The following PIBF1 variants were observed in gnomAD, a reference collection of about 807,000 sequenced individuals.
PIBF1 encodes progesterone-induced-blocking factor 1.
PIBF1 carries 90 observed loss-of-function variants against 112.5 expected under a neutral mutation model. The observed-to-expected ratio is 0.80, with a 90% CI of 0.67 to 0.95. The LOEUF is 0.95. PIBF1 is among the 40% of genes least tolerant of loss of function. The pLI is 0.00. For missense variants in PIBF1, 915 were observed against 852.3 expected (o/e 1.07, Z -0.92); for synonymous variants, 301 against 288.6 (o/e 1.04, Z -0.44).
At chr13:72,831,974 G>T (rs562050166) in intron 8 of PIBF1, among the ~76,000 whole-genome samples, 9 of 151,104 alleles carry the variant, frequency 6.0e-5, no homozygotes, top group Admixed American at 2.0e-4. Flanking sequence ...TCTTCCTGCC[G>T]CATTGATCCC....
intron 12 of PIBF1, among the ~76,000 whole-genome samples, chr13:72,909,079 C>T (rs186117279): frequency 7.2e-5 from 11 of 151,934 alleles, no homozygotes; most frequent in African/African-American, 2.7e-4. Context: ...AAAACTACTT[C>T]GGTATATTTT....
intron 16 of PIBF1, among the ~76,000 whole-genome samples, chr13:72,978,089 C>T (rs764367745): frequency 3.9e-5 from 6 of 152,112 alleles, no homozygotes; most frequent in Non-Finnish European, 7.4e-5. Context: ...CTAAATTCTC[C>T]AGGTTTTGTC....
intron 10 of PIBF1, among the ~76,000 whole-genome samples, chr13:72,861,842 T>C (rs915975638): frequency 2.0e-5 from 3 of 152,138 alleles, no homozygotes; most frequent in Non-Finnish European, 4.4e-5. Flanking sequence ...GCGAAAAATA[T>C]GGCAACAGAA....
intron 16 of PIBF1, among the ~76,000 whole-genome samples, chr13:72,997,374 A>C (rs2043711776): frequency 6.6e-6 from 1 of 152,202 alleles, no homozygotes; most frequent in South Asian, 2.1e-4. Flanking sequence ...TTGAAAGCAA[A>C]AAGAGTCCCC....
At chr13:72,789,652 G>C (rs1338036564) in intron 2 of PIBF1, among the ~76,000 whole-genome samples, 1 of 147,754 alleles carries the variant, frequency 6.8e-6, no homozygotes, top group Non-Finnish European at 1.5e-5. Context: ...TGAAAAAAAT[G>C]TTTTTTTTTT....
chr13:72,972,350 A>G (rs2042917650), intron 15 of PIBF1, among the ~76,000 whole-genome samples: 1 of 152,102 alleles, frequency 6.6e-6, no homozygotes, highest in Non-Finnish European at 1.5e-5. Flanking sequence ...CTTAAAGTAG[A>G]ACTTAAGTAG....
At chr13:72,986,192 T>A (rs933305190) in intron 16 of PIBF1, among the ~76,000 whole-genome samples, 1 of 151,432 alleles carries the variant, frequency 6.6e-6, no homozygotes, top group African/African-American at 2.4e-5. Context: ...GAAAAAAAAA[T>A]TTTGATGAAA....
intron 4 of PIBF1, among the ~76,000 whole-genome samples, chr13:72,796,869 T>C (rs2035224115): frequency 6.6e-6 from 1 of 152,158 alleles, no homozygotes; most frequent in South Asian, 2.1e-4. Context: ...AACTAATTAA[T>C]TATATGCAGA....
intron 10 of PIBF1, among the ~76,000 whole-genome samples, chr13:72,873,345 G>A (rs2039244450): frequency 1.3e-5 from 2 of 152,116 alleles, no homozygotes; most frequent in South Asian, 4.1e-4. Context: ...GAAACCTTGA[G>A]TTATCAAAGG....
chr13:72,784,292 A>ATAAAAT (rs57366095), intron 2 of PIBF1, among the ~76,000 whole-genome samples: 464 of 151,170 alleles, frequency 3.1e-3, no homozygotes, highest in African/African-American at 0.011. Context: ...AAAAAAAAAA[A>ATAAAAT]AAAATTAGCC....
At chr13:72,867,222 G>C (rs2038965834) in intron 10 of PIBF1, among the ~76,000 whole-genome samples, 1 of 151,998 alleles carries the variant, frequency 6.6e-6, no homozygotes, top group Admixed American at 6.6e-5. Flanking sequence ...CCCTGCACAA[G>C]CTCTCTCTCT....
At chr13:72,989,196 T>C (rs2043395704) in intron 16 of PIBF1, among the ~76,000 whole-genome samples, 1 of 152,230 alleles carries the variant, frequency 6.6e-6, no homozygotes, top group Non-Finnish European at 1.5e-5. Context: ...AGCAGCTCTA[T>C]GCCCAGGTAT....
chr13:72,933,670 A>G (rs2041778808), intron 14 of PIBF1, among the ~76,000 whole-genome samples: 2 of 152,246 alleles, frequency 1.3e-5, no homozygotes, highest in African/African-American at 4.8e-5. Flanking sequence ...CTCAAAAATA[A>G]AAAGAAAGAA....
intron 10 of PIBF1, among the ~76,000 whole-genome samples, chr13:72,858,350 C>T (rs2038538791): frequency 6.6e-6 from 1 of 152,182 alleles, no homozygotes; most frequent in South Asian, 2.1e-4. Context: ...CTACGCCCAG[C>T]CATACATTGC....
At position 72,949,300 on chromosome 13, in the gene PIBF1, C is replaced by CTTTTT. The variant is rs71099771; in HGVS notation, c.1834-15945_1834-15941dup. ...AACTACTACCTAGACAAATAGCTGT[C>CTTTTT]TTTTTTTTTTTTTTTTTTTTTTTTT... On this transcript the variant is annotated intron_variant, in intron 14 of 17. Coordinates refer to ENST00000326291, the MANE Select transcript of PIBF1 (RefSeq NM_006346.4). Among the ~76,000 whole-genome samples, 327 of 54,998 alleles carry CTTTTT rather than the reference C, an allele frequency of 5.9e-3. 42 individuals carry two copies. The highest frequency in any genetic ancestry group is 7.3e-3 in the East Asian group (9 of 1,230). The allele number at this position is 54,998 out of a possible 152,430, so 36.1% of individuals were successfully genotyped here.
At position 72,844,748 on chromosome 13, in the gene PIBF1, C is replaced by CACACACACACGGATGAAGTCTTACTGTTT. The variant is rs2037764235; in HGVS notation, c.1224-9299_1224-9298insGGATGAAGTCTTACTGTTTACACACACAC. 8.3e-5 allele frequency among the ~76,000 whole-genome samples: 7 copies of CACACACACACGGATGAAGTCTTACTGTTT among 84,186 alleles called. 1 individual carries two copies. The East Asian group carries it at 1.1e-3, about 13-fold the overall frequency. 55.2% of individuals were successfully genotyped at this position (84,186 alleles called of 152,430 possible). On this transcript the variant is annotated intron_variant, in intron 9 of 17. Coordinates refer to ENST00000326291, the MANE Select transcript of PIBF1 (RefSeq NM_006346.4). ...TTATTTACACACACACACACACACA[C>CACACACACACGGATGAAGTCTTACTGTTT]ACACACACACACACACACACACACA...
rs1048548418 is a variant in PIBF1, at chr13:72,827,237, AATT to A, written c.915+120_915+122del. The A allele has an allele frequency of 2.9e-5, 11 of 384,432 alleles. No homozygotes were observed. The South Asian group carries it at 3.3e-4, about 12-fold the overall frequency. The allele number at this position is 384,432 out of a possible 1,614,324, so 23.8% of individuals were successfully genotyped here. A position where few individuals can be genotyped will look rare whatever the true frequency, so the allele number is the denominator to read the frequency against. On this transcript the variant is annotated intron_variant, in intron 7 of 17. Coordinates refer to ENST00000326291, the MANE Select transcript of PIBF1 (RefSeq NM_006346.4). ...TTATGTAGTTCCTCCCAAAAAGATA[AATT>A]TTTTTTTTTTTTTTTTTTTTTTTTT...
intron 11 of PIBF1, among the ~76,000 whole-genome samples, chr13:72,896,006 C>T (rs1049929034): frequency 1.3e-5 from 2 of 152,080 alleles, no homozygotes; most frequent in East Asian, 3.9e-4. Flanking sequence ...TGTTGGCTTT[C>T]CCCCATTTCC....
intron 15 of PIBF1, among the ~76,000 whole-genome samples, 158 bp from the exon 16 acceptor site, chr13:72,973,433 G>A (rs571072619): frequency 6.6e-6 from 1 of 152,174 alleles, no homozygotes; most frequent in East Asian, 1.9e-4. Context: ...CATTCATTGG[G>A]CCAAACATTT....
Sources: allele counts gnomAD v4.1 joint callset (sites outside exome capture counted in the v4.1 genomes callset), GRCh38; gene constraint gnomAD v4.1.1; transcripts MANE v1.5; gene names NCBI Gene and HGNC (gene_info 2026-07-23, HGNC 2026-07-21).